Variants in CNTNAP2 observed in about 807,000 individuals in gnomAD.
CNTNAP2 encodes the protein contactin-associated protein-like 2.
CNTNAP2 carries 98 observed loss-of-function variants against 155.2 expected under a neutral mutation model. The observed-to-expected ratio is 0.63, with a 90% CI of 0.54 to 0.75. The LOEUF is 0.75. CNTNAP2 is among the 30% of genes least tolerant of loss of function. The pLI is 0.00. For synonymous variants in CNTNAP2, 651 were observed against 631.2 expected, an observed-to-expected ratio of 1.03 and a Z score of -0.47; for missense variants, 1,727 against 1,688.1, an observed-to-expected ratio of 1.02 and a Z score of -0.40.
chr7:147,880,007 G>T lies in CNTNAP2; in HGVS notation c.2099-23558G>T, dbSNP rs148695705. On this transcript the variant is annotated intron_variant, in intron 13 of 23. Coordinates refer to ENST00000361727, the MANE Select transcript of CNTNAP2 (RefSeq NM_014141.6). ...GGAAAAAATGAAATTGAAAACAGTG[G>T]TGATGAGATCCAGTTCTCCAATATT... Among the ~76,000 whole-genome samples, 428 of 152,304 alleles carry T rather than the reference G, an allele frequency of 2.8e-3. 4 individuals carry two copies. The highest frequency in any genetic ancestry group is 2.1e-3 in the Non-Finnish European group (145 of 68,028).
At chr7:147,498,370 G>T (rs548864067) in intron 11 of CNTNAP2, among the ~76,000 whole-genome samples, 1 of 152,042 alleles carries the variant, frequency 6.6e-6, no homozygotes, top group African/African-American at 2.4e-5. Context: ...CCTATTTTCC[G>T]CTTTTACCAG....
chr7:147,974,384 C>T (rs916521482), intron 14 of CNTNAP2, among the ~76,000 whole-genome samples: 4 of 152,160 alleles, frequency 2.6e-5, no homozygotes, highest in African/African-American at 9.6e-5. Flanking sequence ...CTGAGGTGGG[C>T]AGATCCCCTG....
At chr7:146,459,540 C>A (rs1796606367) in intron 1 of CNTNAP2, among the ~76,000 whole-genome samples, 1 of 152,108 alleles carries the variant, frequency 6.6e-6, no homozygotes, top group South Asian at 2.1e-4. Context: ...TTTACCCAAG[C>A]CTATAAAGTG....
At chr7:148,283,253 A>AG (rs1563024528) in intron 21 of CNTNAP2, among the ~76,000 whole-genome samples, 2 of 72,466 alleles carry the variant, frequency 2.8e-5, no homozygotes, top group African/African-American at 4.8e-5. Context: ...AAAAAAAAAA[A>AG]AAAAAGAAAG....
At chr7:146,246,286 G>GGCA (rs1799652628) in intron 1 of CNTNAP2, among the ~76,000 whole-genome samples, 2 of 150,930 alleles carry the variant, frequency 1.3e-5, no homozygotes, top group Admixed American at 6.6e-5. Flanking sequence ...TGGGAAGAAG[G>GGCA]GCAGCAATGA....
chr7:147,694,556 C>T (rs1210064238), intron 13 of CNTNAP2, among the ~76,000 whole-genome samples: 1 of 152,046 alleles, frequency 6.6e-6, no homozygotes, highest in Non-Finnish European at 1.5e-5. Context: ...TCAATTTATT[C>T]TCATGTGAGT....
Position 146,116,840 on chromosome 7 carries a change from G to C in CNTNAP2, c.-37G>C. 2 of 1,509,794 alleles carry C rather than the reference G, an allele frequency of 1.3e-6. No individual in the cohort carries two copies. Among genetic ancestry groups the C allele is most frequent in the Non-Finnish European group, 1.8e-6 (2 of 1,117,350 alleles). The allele number at this position is 1,509,794 out of a possible 1,614,324, so 93.5% of individuals were successfully genotyped here. ...CGGAGAGTCGGACTGCATCTCCGCAGCGAGCTCTTGGAGCGCCGCCGGCCG... is the reference window on the plus strand; with the variant it reads ...CGGAGAGTCGGACTGCATCTCCGCACCGAGCTCTTGGAGCGCCGCCGGCCG... On this transcript the variant is annotated 5_prime_UTR_variant, in exon 1 of 24. Transcript: ENST00000361727. The surrounding 1 kb of genome is among the most constrained non-coding windows in gnomAD (Gnocchi z 5.5).
At chr7:146,872,757 T>C (rs1372789096) in intron 3 of CNTNAP2, among the ~76,000 whole-genome samples, 1 of 152,194 alleles carries the variant, frequency 6.6e-6, no homozygotes, top group African/African-American at 2.4e-5. Context: ...TATGCACAAA[T>C]TGTTCAAGGA....
In CNTNAP2 at chr7:148,360,814, TTC is replaced by T. The variant is rs1251985779; in HGVS notation, c.3476-22833_3476-22832del. ...TCGCTTTTCTTTCTTTTTTTTCTTT[TTC>T]TTTTTTTTTTTTGAGACAGTTTCTC... is the stretch of plus-strand genomic sequence containing the variant. On this transcript the variant is annotated intron_variant, in intron 21 of 23. Coordinates refer to ENST00000361727, the MANE Select transcript of CNTNAP2 (RefSeq NM_014141.6). Among the ~76,000 whole-genome samples the T allele has an allele frequency of 7.2e-3, 1,051 of 146,662 alleles. 11 individuals carry two copies. Among genetic ancestry groups the T allele is most frequent in the African/African-American group, 0.027 (970 of 36,536 alleles).
At chr7:146,504,292 G>T (rs62483356) in intron 1 of CNTNAP2, among the ~76,000 whole-genome samples, 1 of 152,106 alleles carries the variant, frequency 6.6e-6, no homozygotes, top group African/African-American at 2.4e-5. Context: ...ATGATTATTA[G>T]GGTCCAGCAT....
At chr7:147,946,503 G>C (rs1800821654) in intron 14 of CNTNAP2, among the ~76,000 whole-genome samples, 1 of 152,022 alleles carries the variant, frequency 6.6e-6, no homozygotes, top group Admixed American at 6.6e-5. Flanking sequence ...ATGACAGAAG[G>C]TTTTACACAA....
rs185400226 is a variant in CNTNAP2 at position 147,007,404 on chromosome 7, C to G, written c.403-36503C>G. On this transcript the variant is annotated intron_variant, in intron 3 of 23. Coordinates refer to ENST00000361727, the MANE Select transcript of CNTNAP2 (RefSeq NM_014141.6). ...TCTTTCCTGCTATCTGTCTGTCTAT[C>G]TACCTGTCTATCTAGCTACCTACTC... 1.5e-3 allele frequency among the ~76,000 whole-genome samples: 235 copies of G among 152,188 alleles called. 4 individuals carry two copies. Among genetic ancestry groups the G allele is most frequent in the African/African-American group, 5.0e-3 (209 of 41,538 alleles).
chr7:148,108,520 C>T (rs1804274187), intron 15 of CNTNAP2, among the ~76,000 whole-genome samples: 2 of 152,134 alleles, frequency 1.3e-5, no homozygotes, highest in African/African-American at 4.8e-5. Flanking sequence ...CCGCTGCAGG[C>T]TTAGCTGTCA....
intron 3 of CNTNAP2, among the ~76,000 whole-genome samples, chr7:146,935,844 ATTTGAT>A (rs1796903806): frequency 6.6e-6 from 1 of 152,122 alleles, no homozygotes; most frequent in Non-Finnish European, 1.5e-5. Context: ...TCTTTGATCT[ATTTGAT>A]TTTAAGTGAT....
chr7:146,340,669 G>T (rs2129096477), intron 1 of CNTNAP2, among the ~76,000 whole-genome samples: 1 of 152,122 alleles, frequency 6.6e-6, no homozygotes, highest in Non-Finnish European at 1.5e-5. Flanking sequence ...CGATAAAATT[G>T]CCATGATCAT....
At chr7:147,735,985 G>A (rs916178238) in intron 13 of CNTNAP2, among the ~76,000 whole-genome samples, 4 of 146,036 alleles carry the variant, frequency 2.7e-5, no homozygotes, top group South Asian at 2.3e-4. Context: ...CAATTTGCCA[G>A]TCTGTGTCTT....
chr7:146,290,741 G>A (rs1455353979), intron 1 of CNTNAP2, among the ~76,000 whole-genome samples: 1 of 152,114 alleles, frequency 6.6e-6, no homozygotes, highest in Non-Finnish European at 1.5e-5. Context: ...AACATCATCA[G>A]GTTTTTAATT....
At chr7:146,354,293 C>T (rs1245670920) in intron 1 of CNTNAP2, among the ~76,000 whole-genome samples, 2 of 152,042 alleles carry the variant, frequency 1.3e-5, no homozygotes, top group Non-Finnish European at 2.9e-5. Flanking sequence ...ATAAGATATA[C>T]ATAAAATTAA....
chr7:147,987,986 C>A (rs1186806154), intron 15 of CNTNAP2, among the ~76,000 whole-genome samples: 1 of 152,122 alleles, frequency 6.6e-6, no homozygotes, highest in Non-Finnish European at 1.5e-5. Context: ...TGAGCCACCA[C>A]GCCTGGCAGG....
Sources: allele counts gnomAD v4.1 joint callset (sites outside exome capture counted in the v4.1 genomes callset), GRCh38; gene constraint gnomAD v4.1.1; non-coding constraint Gnocchi (gnomAD v3.1); transcripts MANE v1.5; gene names NCBI Gene and HGNC (gene_info 2026-07-23, HGNC 2026-07-21).